SH3RF2: variants seen among roughly 807,000 people sequenced by gnomAD.
SH3RF2 encodes the protein E3 ubiquitin-protein ligase SH3RF2.
SH3RF2 carries 43 observed loss-of-function variants against 59.0 expected under a neutral mutation model. The observed-to-expected ratio is 0.73, with a 90% CI of 0.57 to 0.94. The LOEUF (loss-of-function observed/expected upper bound fraction) is 0.94. Ranked by LOEUF, SH3RF2 falls within the 40% of genes least tolerant of loss-of-function variation. SH3RF2 has a pLI of 0.00. For synonymous variants in SH3RF2, 391 were observed against 391.5 expected (o/e 1.00, Z 0.01); for missense variants, 930 against 940.1 (o/e 0.99, Z 0.14).
intron 5 of SH3RF2, among the ~76,000 whole-genome samples, chr5:146,027,399 C>T (rs982315623): frequency 6.6e-6 from 1 of 152,330 alleles, no homozygotes; most frequent in South Asian, 2.1e-4. Context: ...CATTGTGAAT[C>T]CTAGTTGCCA....
At chr5:145,990,412 A>G (rs1050541729) in intron 2 of SH3RF2, among the ~76,000 whole-genome samples, 4 of 152,206 alleles carry the variant, frequency 2.6e-5, no homozygotes, top group Non-Finnish European at 5.9e-5. Flanking sequence ...TCCCTGATTG[A>G]GGCACATGCC....
At chr5:145,986,008 A>G (rs1192915101) in intron 2 of SH3RF2, among the ~76,000 whole-genome samples, 2 of 121,838 alleles carry the variant, frequency 1.6e-5, no homozygotes, top group Non-Finnish European at 3.2e-5. Flanking sequence ...GTCTCAAATA[A>G]ATAAATAAAT....
At chr5:146,036,446 G>A (rs1315193995) in intron 5 of SH3RF2, among the ~76,000 whole-genome samples, 1 of 152,186 alleles carries the variant, frequency 6.6e-6, no homozygotes, top group Non-Finnish European at 1.5e-5. Flanking sequence ...TGTAATCCCA[G>A]CACTTTGGGA....
chr5:146,007,651 C>T (rs780913887), intron 4 of SH3RF2, among the ~76,000 whole-genome samples: 1 of 152,160 alleles, frequency 6.6e-6, no homozygotes, highest in Non-Finnish European at 1.5e-5. Flanking sequence ...AAACCCATTT[C>T]CCAAAACTTC....
chr5:146,079,919 T>C (rs1763397134), exon 10 of SH3RF2: 1 of 152,260 alleles, frequency 6.6e-6, no homozygotes, highest in African/African-American at 2.4e-5. Flanking sequence ...CATTGGCTTC[T>C]GCCTTACAAT....
chr5:145,997,963 A>G (rs985952631), intron 2 of SH3RF2: 1 of 780,108 alleles, frequency 1.3e-6, no homozygotes, highest in Admixed American at 1.7e-5. Context: ...TTCATGGATC[A>G]CAGGTGGTCC....
chr5:146,028,876 GC>G (rs753243141), intron 5 of SH3RF2, among the ~76,000 whole-genome samples: 17 of 152,152 alleles, frequency 1.1e-4, no homozygotes, highest in Non-Finnish European at 2.5e-4. Flanking sequence ...ACTTGCCTGT[GC>G]CCTGTCCCTG....
rs1302388524 is a variant in SH3RF2 at position 146,049,224 on chromosome 5, A to G, written c.1301A>G (p.Asn434Ser). Residue 434 changes from asparagine (N) to serine (S), a missense_variant, in exon 7 of 10, where the codon AAT becomes AGT. By Grantham distance (46) the Asn-to-Ser change is conservative. Coordinates refer to ENST00000359120, the MANE Select transcript of SH3RF2 (RefSeq NM_152550.4). ...GGGCGAGTCGGCATCTTCCCAAACAATTACGTCATCCCCATTTTCAGGTGT... is the reference window on the plus strand; with the variant it reads ...GGGCGAGTCGGCATCTTCCCAAACAGTTACGTCATCCCCATTTTCAGGTGT... ...VTGRVGIFPN[N>S]YVIPIFRKTS... 1.9e-6 allele frequency: 3 copies of G among 1,612,128 alleles called. No individual in the cohort carries two copies. The highest frequency in any genetic ancestry group is 3.3e-5 in the Admixed American group (2 of 59,828).
chr5:145,967,915 C>T (rs1182142386), intron 2 of SH3RF2, among the ~76,000 whole-genome samples: 1 of 152,202 alleles, frequency 6.6e-6, no homozygotes, highest in Non-Finnish European at 1.5e-5. Flanking sequence ...CCACCTTGGC[C>T]TCCCAAAGTG....
At position 146,014,070 on chromosome 5, in the gene SH3RF2, G is replaced by T; in HGVS notation, c.1059+9G>T. 6.2e-7 allele frequency: 1 copy of T among 1,611,772 alleles called. No homozygotes were observed. The highest frequency in any genetic ancestry group is 8.5e-7 in the Non-Finnish European group (1 of 1,179,498). The stretch of plus-strand genomic sequence containing the variant: ...CCAGCTGTGTGGGACAGGTAGGGAA[G>T]AAACGCCTGGGATGAGGGCACTTTG... On this transcript the variant is annotated intron_variant, in intron 5 of 9. Transcript: ENST00000359120.
At chr5:146,017,190 C>T (rs1161324229) in intron 5 of SH3RF2, among the ~76,000 whole-genome samples, 1 of 152,106 alleles carries the variant, frequency 6.6e-6, no homozygotes. Context: ...CAATGGCACT[C>T]GAAAACAATT....
intron 2 of SH3RF2, among the ~76,000 whole-genome samples, chr5:145,987,633 A>G (rs975563210): frequency 5.9e-5 from 9 of 152,126 alleles, no homozygotes; most frequent in African/African-American, 1.7e-4. Context: ...GCTTGCAATT[A>G]TATATTTATG....
intron 2 of SH3RF2, among the ~76,000 whole-genome samples, chr5:145,991,989 GAT>G (rs1759951962): frequency 6.6e-6 from 1 of 152,190 alleles, no homozygotes; most frequent in Non-Finnish European, 1.5e-5. Context: ...TACTCCAGGA[GAT>G]TCTGATCAAA....
At chr5:146,045,706 T>C (rs145166007) in intron 5 of SH3RF2, among the ~76,000 whole-genome samples, 284 of 152,366 alleles carry the variant, frequency 1.9e-3, no homozygotes, top group African/African-American at 6.3e-3. Flanking sequence ...GGTTGTACCA[T>C]ATTTTGTTTA....
intron 2 of SH3RF2, among the ~76,000 whole-genome samples, chr5:145,987,888 T>C (rs1759774760): frequency 6.6e-6 from 1 of 152,210 alleles, no homozygotes; most frequent in African/African-American, 2.4e-5. Flanking sequence ...GTATTCTACA[T>C]TGTTTATCAC....
rs1760684698 is a variant in SH3RF2 at position 146,007,309 on chromosome 5, G to A, written c.744+3156G>A. ...CTGTGGATTCGACCCATAGGTTCAT[G>A]GACCTTTCAGGAGGTAGAATCCACA... On this transcript the variant is annotated intron_variant, in intron 4 of 9. Transcript: ENST00000359120. Among the ~76,000 whole-genome samples, 2 of 152,192 alleles carry A rather than the reference G, an allele frequency of 1.3e-5. 1 individual carries two copies. Among genetic ancestry groups the A allele is most frequent in the South Asian group, 4.1e-4 (2 of 4,836 alleles).
In SH3RF2 at chr5:146,057,978, ATC is replaced by A. The variant is rs1489928873; in HGVS notation, c.1555+1767_1555+1768del. ...TCTCTCTCTCTCTCTCTATCTATCT[ATC>A]TATCTATATATATATATTTGATTTA... On this transcript the variant is annotated intron_variant, in intron 8 of 9. Coordinates refer to ENST00000359120, the MANE Select transcript of SH3RF2 (RefSeq NM_152550.4). Among the ~76,000 whole-genome samples, 469 of 132,550 alleles carry A rather than the reference ATC, an allele frequency of 3.5e-3. 1 individual carries two copies. The highest frequency in any genetic ancestry group is 0.011 in the African/African-American group (376 of 35,422). 87.0% of individuals were successfully genotyped at this position (132,550 alleles called of 152,430 possible).
At chr5:145,963,311 G>C (rs751691737) in intron 2 of SH3RF2, among the ~76,000 whole-genome samples, 1 of 152,026 alleles carries the variant, frequency 6.6e-6, no homozygotes, top group Non-Finnish European at 1.5e-5. Flanking sequence ...CATTTATAGA[G>C]GTAGTTGTAG....
chr5:146,062,301 A>G, intron 9 of SH3RF2, 125 bp from the exon 10 acceptor site: 2 of 1,232,766 alleles, frequency 1.6e-6, no homozygotes, highest in Non-Finnish European at 2.3e-6. Context: ...AGCACTTGAC[A>G]CTCATGGTAG....
Sources: gnomAD v4.1 joint callset for allele counts (sites outside exome capture counted in the v4.1 genomes callset) on GRCh38, gnomAD v4.1.1 for gene constraint, MANE v1.5 for transcripts, NCBI Gene and HGNC (gene_info 2026-07-23, HGNC 2026-07-21) for gene names.